Variants in POGZ observed in about 807,000 individuals in gnomAD.
POGZ encodes the protein pogo transposable element with ZNF domain.
In POGZ, 17 loss-of-function variants were observed where a neutral mutation model predicts 134.6. The observed-to-expected ratio is 0.13, with a 90% CI of 0.09 to 0.19. The LOEUF is 0.19. Ranked by LOEUF, POGZ falls within the 10% of genes least tolerant of loss-of-function variation. POGZ has a pLI of 1.00. For synonymous variants in POGZ, 693 were observed against 657.1 expected (o/e 1.05, Z -0.84); for missense variants, 1,306 against 1,769.7 (o/e 0.74, Z 4.70).
intron 1 of POGZ, among the ~76,000 whole-genome samples, chr1:151,449,639 G>A (rs1332702098): frequency 6.6e-6 from 1 of 152,234 alleles, no homozygotes; most frequent in East Asian, 1.9e-4. Flanking sequence ...GCTCACGCCT[G>A]TAATCCCAGC....
rs1412709611 is a variant in POGZ, at chr1:151,405,256, T to G, written c.3779A>C (p.Lys1260Thr). ...PAVVPAGCSS[K>T]IQPLDVCIKR... Reference sequence around the variant, plus strand: ...GATGCATACATCTAATGGCTGAATTTTGGAGCTACAGCCTGCTGGGACCAC... The same window carrying G: ...GATGCATACATCTAATGGCTGAATTGTGGAGCTACAGCCTGCTGGGACCAC... The change falls in exon 19 of 19, where the codon AAA (lysine) becomes ACA (threonine). Residue 1260 changes from lysine to threonine, a missense_variant. This residue lies in a region of POGZ where 67 missense variants were observed against 105.8 expected (regional missense o/e 0.63). Transcript: ENST00000271715. This position sits in a 1 kb window ranked among gnomAD's most constrained non-coding sequence, Gnocchi z 4.9. 6.2e-7 allele frequency: 1 copy of G among 1,614,118 alleles called. No individual in the cohort carries two copies. The highest frequency in any genetic ancestry group is 8.5e-7 in the Non-Finnish European group (1 of 1,180,030).
chr1:151,408,222 C>T lies in POGZ; in HGVS notation c.2253G>A (p.Gln751=). The T allele has an allele frequency of 6.2e-7, 1 of 1,612,984 alleles. No homozygotes were observed. Among genetic ancestry groups the T allele is most frequent in the Non-Finnish European group, 8.5e-7 (1 of 1,179,726 alleles). Residue 751 remains glutamine (Q), a synonymous_variant, in exon 15 of 19, where the codon CAG becomes CAA. Coordinates refer to ENST00000271715, the MANE Select transcript of POGZ (RefSeq NM_015100.4). ...TCTCGAAGCTGCACTCCAGGCATGT[C>T]TGCCGGCCCATGACACTCCTGTGGG... ...AVRKMSVMGR[Q]TCLECSFEIP... is the part of the protein sequence containing the mutation.
At chr1:151,432,945 T>C (rs1017050915) in intron 3 of POGZ, among the ~76,000 whole-genome samples, 1 of 152,238 alleles carries the variant, frequency 6.6e-6, no homozygotes, top group Non-Finnish European at 1.5e-5. Context: ...TTTTAATCTA[T>C]AGGTTCCCCA....
At chr1:151,434,996 G>A (rs976967636) in intron 3 of POGZ, among the ~76,000 whole-genome samples, 3 of 150,206 alleles carry the variant, frequency 2.0e-5, no homozygotes, top group Non-Finnish European at 4.4e-5. Flanking sequence ...TGCCTCCTAG[G>A]TTCAAGTGGT....
intron 1 of POGZ, among the ~76,000 whole-genome samples, chr1:151,450,638 G>C (rs548199740): frequency 6.6e-5 from 10 of 152,226 alleles, no homozygotes; most frequent in African/African-American, 2.4e-4. Context: ...ACAGGCATGA[G>C]CAGTCGTGCC....
At position 151,404,781 on chromosome 1, in the gene POGZ, A is replaced by ACCC; in HGVS notation, c.*18_*20dup. 1 of 1,554,972 alleles carries ACCC rather than the reference A, an allele frequency of 6.4e-7. No individual in the cohort carries two copies. Among genetic ancestry groups the ACCC allele is most frequent in the South Asian group, 1.2e-5 (1 of 82,910 alleles). Reference sequence around the variant, plus strand: ...TCACATGTTCCCACCCTCACTCCACACCCCCTCATGACCCCAACACTCAAA... The same window carrying ACCC: ...TCACATGTTCCCACCCTCACTCCACACCCCCCCCTCATGACCCCAACACTCAAA... On this transcript the variant is annotated 3_prime_UTR_variant, in exon 19 of 19. Coordinates refer to ENST00000271715, the MANE Select transcript of POGZ (RefSeq NM_015100.4).
chr1:151,449,815 G>GA (rs1395396485), intron 1 of POGZ, among the ~76,000 whole-genome samples: 1 of 152,178 alleles, frequency 6.6e-6, no homozygotes, highest in Admixed American at 6.5e-5. Context: ...AGAATGGCAT[G>GA]AACCTGGGAG....
At chr1:151,417,657 G>A (rs529531328) in intron 10 of POGZ, among the ~76,000 whole-genome samples, 13 of 147,638 alleles carry the variant, frequency 8.8e-5, no homozygotes, top group African/African-American at 2.3e-4. Context: ...CCACTGCGCC[G>A]GCCTATTAGA....
In POGZ at chr1:151,405,692, G is replaced by C. The variant is rs778792467; in HGVS notation, c.3343C>G (p.Gln1115Glu). ...ACAATCATAGACAAGGGTAAGTCCT[G>C]GTTGTGAATCTGCCGTTGTACAAAA... ...IDFVQRQIHNQDLPLSMIVAI... is the reference protein window; with the variant it reads ...IDFVQRQIHNEDLPLSMIVAI... The change falls in exon 19 of 19, where the codon CAG (glutamine) becomes GAG (glutamate). Residue 1115 changes from glutamine to glutamate, a missense_variant. By Grantham distance (29) the Gln-to-Glu change is conservative. Transcript: ENST00000271715. This position sits in a 1 kb window ranked among gnomAD's most constrained non-coding sequence, Gnocchi z 4.9. 28 of 1,614,086 alleles carry C rather than the reference G, an allele frequency of 1.7e-5. No individual in the cohort carries two copies. The East Asian group carries it at 5.6e-4, about 32-fold the overall frequency.
At chr1:151,408,614 AC>A in intron 13 of POGZ, 33 bp from the exon 14 acceptor site, 2 of 1,605,658 alleles carry the variant, frequency 1.2e-6, no homozygotes, top group Non-Finnish European at 1.7e-6. Flanking sequence ...ATGAGACATC[AC>A]CCACACTAAA....
intron 1 of POGZ, among the ~76,000 whole-genome samples, chr1:151,455,965 A>C (rs1024270797): frequency 2.0e-5 from 3 of 148,954 alleles, no homozygotes; most frequent in African/African-American, 7.5e-5. Context: ...CTCAACTCCA[A>C]CTCCTGGGCT....
rs1408472290 is a variant in POGZ, at chr1:151,403,485, G to C, written c.*1317C>G. 10 of 985,858 alleles carry C rather than the reference G, an allele frequency of 1.0e-5. No homozygotes were observed. Among genetic ancestry groups the C allele is most frequent in the Non-Finnish European group, 1.2e-5 (10 of 829,938 alleles). The allele number at this position is 985,858 out of a possible 1,614,324, so 61.1% of individuals were successfully genotyped here. A position where few individuals can be genotyped will look rare whatever the true frequency, so the allele number is the denominator to read the frequency against. On this transcript the variant is annotated 3_prime_UTR_variant, in exon 19 of 19. Coordinates refer to ENST00000271715, the MANE Select transcript of POGZ (RefSeq NM_015100.4). ...ATTGTGGAAAGCCTCAGGATAAACAGAAGACTTGGTTTTTTGCTCCTTTTC... is the reference window on the plus strand; with the variant it reads ...ATTGTGGAAAGCCTCAGGATAAACACAAGACTTGGTTTTTTGCTCCTTTTC...
At chr1:151,459,034 G>T (rs1444525319) in intron 1 of POGZ, 118 bp downstream of exon 1, 1 of 128,306 alleles carries the variant, frequency 7.8e-6, no homozygotes, top group Non-Finnish European at 1.7e-5. Flanking sequence ...CCACCCCCGC[G>T]CGTACCGGCC....
rs1658132028 is a variant in POGZ, at chr1:151,428,422, G to A, written c.569-9C>T. The A allele has an allele frequency of 6.2e-7, 1 of 1,611,944 alleles. No homozygotes were observed. The highest frequency in any genetic ancestry group is 8.5e-7 in the Non-Finnish European group (1 of 1,178,144). On this transcript the variant is annotated splice_polypyrimidine_tract_variant and intron_variant, in intron 5 of 18. Coordinates refer to ENST00000271715, the MANE Select transcript of POGZ (RefSeq NM_015100.4). Reference sequence around the variant, plus strand: ...AAACTGGGTACCTGGGGCTTTAAAAGAGAGACAAAGTACCAGATCTTGGTC... The same window carrying A: ...AAACTGGGTACCTGGGGCTTTAAAAAAGAGACAAAGTACCAGATCTTGGTC...
rs114922608 is a variant in POGZ at position 151,403,229 on chromosome 1, G to T, written c.*1573C>A. 1.1e-3 allele frequency: 1,115 copies of T among 985,738 alleles called. 17 individuals carry two copies. The African/African-American group carries it at 0.014, about 12-fold the overall frequency. The allele number at this position is 985,738 out of a possible 1,614,324, so 61.1% of individuals were successfully genotyped here. ...AAAAACAAACAAACAAAAAAGCAGGGTGGGGTGGGAGAAATGGGTGGTAAC... is the reference window on the plus strand; with the variant it reads ...AAAAACAAACAAACAAAAAAGCAGGTTGGGGTGGGAGAAATGGGTGGTAAC... On this transcript the variant is annotated 3_prime_UTR_variant, in exon 19 of 19. Coordinates refer to ENST00000271715, the MANE Select transcript of POGZ (RefSeq NM_015100.4).
intron 1 of POGZ, among the ~76,000 whole-genome samples, chr1:151,449,406 G>A (rs1412144548): frequency 6.6e-6 from 1 of 152,140 alleles, no homozygotes; most frequent in African/African-American, 2.4e-5. Context: ...GACCTATCTA[G>A]TGGGTAGTGG....
chr1:151,403,648 C>A lies in POGZ; in HGVS notation c.*1154G>T. Reference sequence around the variant, plus strand: ...AAAGATTCATGTCATTTTCTTTGTGCACACCCCTGTGCGCTTCTTCCTGTC... The same window carrying A: ...AAAGATTCATGTCATTTTCTTTGTGAACACCCCTGTGCGCTTCTTCCTGTC... On this transcript the variant is annotated 3_prime_UTR_variant, in exon 19 of 19. Coordinates refer to ENST00000271715, the MANE Select transcript of POGZ (RefSeq NM_015100.4). 1 of 985,690 alleles carries A rather than the reference C, an allele frequency of 1.0e-6. No homozygotes were observed. Among genetic ancestry groups the A allele is most frequent in the Non-Finnish European group, 1.2e-6 (1 of 829,756 alleles). 61.1% of individuals were successfully genotyped at this position (985,690 alleles called of 1,614,324 possible).
intron 1 of POGZ, among the ~76,000 whole-genome samples, chr1:151,453,111 C>CA (rs1262216342): frequency 6.6e-6 from 1 of 151,802 alleles, no homozygotes; most frequent in African/African-American, 2.4e-5. Context: ...TTAGTAGAGA[C>CA]AGGTTTCACC....
chr1:151,414,404 C>CA (rs774648566), intron 10 of POGZ, among the ~76,000 whole-genome samples: 6 of 152,210 alleles, frequency 3.9e-5, no homozygotes, highest in Non-Finnish European at 7.3e-5. Flanking sequence ...ACCTATTTAT[C>CA]AGCTCTATTT....
Sources: gnomAD v4.1 joint callset for allele counts (sites outside exome capture counted in the v4.1 genomes callset) on GRCh38, gnomAD v4.1.1 for gene constraint, gnomAD v4.1.1 regional missense constraint, Gnocchi (gnomAD v3.1) non-coding constraint, MANE v1.5 for transcripts, NCBI Gene and HGNC (gene_info 2026-07-23, HGNC 2026-07-21) for gene names.